Variants in CACNA2D1 observed in about 807,000 individuals in gnomAD.
CACNA2D1 encodes calcium voltage-gated channel auxiliary subunit alpha2delta 1, also known as voltage-dependent calcium channel subunit alpha-2/delta-1.
Under a neutral mutation model 171.5 loss-of-function variants are expected in CACNA2D1, and 53 were observed. That is an observed-to-expected ratio of 0.31 (90% CI 0.25 to 0.39). The LOEUF is 0.39. Among genes scored for constraint, CACNA2D1 ranks in the 10% least tolerant of loss-of-function variants. The probability of loss-of-function intolerance (pLI) is 1.00; values close to 1 mark genes in which losing one functional copy is unlikely to be tolerated. For synonymous variants in CACNA2D1, 442 were observed against 443.1 expected, an observed-to-expected ratio of 1.00 and a Z score of 0.03; for missense variants, 903 against 1,299.8, an observed-to-expected ratio of 0.69 and a Z score of 4.69.
intron 21 of CACNA2D1, among the ~76,000 whole-genome samples, chr7:81,986,498 A>G (rs1374010269): frequency 1.3e-5 from 2 of 148,680 alleles, no homozygotes; most frequent in Non-Finnish European, 3.0e-5. Context: ...GACAATATAG[A>G]ATAGGGAAAA....
intron 2 of CACNA2D1, among the ~76,000 whole-genome samples, chr7:82,339,557 C>T (rs1329637217): frequency 6.6e-6 from 1 of 152,148 alleles, no homozygotes; most frequent in Non-Finnish European, 1.5e-5. Context: ...ATTAGACCTG[C>T]AAGAAGTTAA....
chr7:82,110,358 GCT>G (rs1053113677), intron 6 of CACNA2D1, among the ~76,000 whole-genome samples: 1 of 152,078 alleles, frequency 6.6e-6, no homozygotes. Context: ...GAGCTTGCTC[GCT>G]CTCTCTGCTA....
intron 6 of CACNA2D1, among the ~76,000 whole-genome samples, chr7:82,104,263 G>C (rs138303230): frequency 0.018 from 2,744 of 152,006 alleles, 32 homozygotes; most frequent in Middle Eastern, 0.049. Context: ...CCATGTTCAA[G>C]AACTTGTATT....
intron 12 of CACNA2D1, chr7:82,029,766 T>C (rs567322810): frequency 6.6e-6 from 1 of 151,790 alleles, no homozygotes; most frequent in Non-Finnish European, 1.5e-5. Context: ...TTTATATATG[T>C]ATTACTGTGT....
intron 1 of CACNA2D1, among the ~76,000 whole-genome samples, chr7:82,423,754 G>A (rs181478964): frequency 6.6e-6 from 1 of 152,142 alleles, no homozygotes; most frequent in East Asian, 1.9e-4. Context: ...TTTTTGTAAC[G>A]CCATTTTCAA....
chr7:82,248,350 T>C (rs1805181107), intron 3 of CACNA2D1, among the ~76,000 whole-genome samples: 1 of 152,136 alleles, frequency 6.6e-6, no homozygotes, highest in Non-Finnish European at 1.5e-5. Flanking sequence ...AAGGCCCTTC[T>C]GCTGACCTGA....
intron 12 of CACNA2D1, among the ~76,000 whole-genome samples, chr7:82,026,193 C>G (rs920575298): frequency 6.6e-6 from 1 of 151,402 alleles, no homozygotes; most frequent in Admixed American, 6.6e-5. Flanking sequence ...AAGTGAACTT[C>G]TGATAGGCAG....
intron 6 of CACNA2D1, among the ~76,000 whole-genome samples, chr7:82,098,799 C>A (rs1302706096): frequency 6.6e-6 from 1 of 152,202 alleles, no homozygotes; most frequent in African/African-American, 2.4e-5. Flanking sequence ...TGCATCAGAA[C>A]TCAATGCATG....
intron 1 of CACNA2D1, among the ~76,000 whole-genome samples, chr7:82,440,414 C>T (rs1830407907): frequency 6.6e-6 from 1 of 151,688 alleles, no homozygotes; most frequent in African/African-American, 2.4e-5. Flanking sequence ...TCTAGAAAAA[C>T]GGACAACTAC....
intron 5 of CACNA2D1, among the ~76,000 whole-genome samples, chr7:82,124,500 C>T (rs258689): frequency 2.0e-5 from 3 of 151,882 alleles, no homozygotes; most frequent in Non-Finnish European, 4.4e-5. Flanking sequence ...AAATCTTCTT[C>T]TGTAACTTCA....
chr7:81,968,698 T>C (rs1393250662), intron 29 of CACNA2D1, among the ~76,000 whole-genome samples, 189 bp downstream of exon 29: 5 of 151,428 alleles, frequency 3.3e-5, no homozygotes, highest in Non-Finnish European at 7.4e-5. Context: ...ATCTATGTAG[T>C]ATCAATTTGA....
At chr7:82,153,839 A>G (rs1794090684) in intron 4 of CACNA2D1, among the ~76,000 whole-genome samples, 1 of 140,314 alleles carries the variant, frequency 7.1e-6, no homozygotes. Flanking sequence ...CCCTTAGAGC[A>G]AACTATAAAA....
In CACNA2D1 at chr7:82,348,151, C is replaced by T. The variant is rs1440585201; in HGVS notation, c.177+1417G>A. Among the ~76,000 whole-genome samples, 68 of 151,972 alleles carry T rather than the reference C, an allele frequency of 4.5e-4. 1 individual carries two copies. The highest frequency in any genetic ancestry group is 2.9e-5 in the Non-Finnish European group (2 of 67,982). ...AGAACCTGTACTTTCTTTTTTTTCT[C>T]ATTATGATTAAATAAAATCTTTGCT... is the stretch of plus-strand genomic sequence containing the variant. On this transcript the variant is annotated intron_variant, in intron 2 of 38. Coordinates refer to ENST00000356860, the MANE Select transcript of CACNA2D1 (RefSeq NM_000722.4).
At chr7:82,321,726 A>T (rs1815920202) in intron 3 of CACNA2D1, among the ~76,000 whole-genome samples, 1 of 152,192 alleles carries the variant, frequency 6.6e-6, no homozygotes, top group South Asian at 2.1e-4. Flanking sequence ...AAAATGAGAT[A>T]TTCTTCTAAA....
chr7:81,981,680 A>G (rs1462396066), intron 24 of CACNA2D1, among the ~76,000 whole-genome samples: 3 of 152,160 alleles, frequency 2.0e-5, no homozygotes, highest in Non-Finnish European at 4.4e-5. Context: ...ATGGAATAGG[A>G]GTCAAAAACT....
intron 3 of CACNA2D1, among the ~76,000 whole-genome samples, chr7:82,304,326 T>C (rs997418554): frequency 2.1e-5 from 3 of 141,818 alleles, no homozygotes; most frequent in Non-Finnish European, 4.6e-5. Flanking sequence ...TATTATCCAA[T>C]AATCCCATTA....
chr7:82,365,351 C>T (rs1164333838), intron 1 of CACNA2D1, among the ~76,000 whole-genome samples: 1 of 152,140 alleles, frequency 6.6e-6, no homozygotes, highest in African/African-American at 2.4e-5. Flanking sequence ...AATGACATAA[C>T]CTTTAACACA....
intron 1 of CACNA2D1, among the ~76,000 whole-genome samples, chr7:82,376,181 A>G (rs553663138): frequency 3.9e-5 from 6 of 152,174 alleles, no homozygotes; most frequent in Non-Finnish European, 8.8e-5. Context: ...CAAATTTTTA[A>G]ATTACTAGGA....
intron 3 of CACNA2D1, among the ~76,000 whole-genome samples, chr7:82,266,889 C>T (rs1289206993): frequency 1.3e-5 from 2 of 152,142 alleles, no homozygotes; most frequent in African/African-American, 2.4e-5. Context: ...AACTGTACTA[C>T]CTTAAAGAAA....
Sources: allele counts gnomAD v4.1 joint callset (sites outside exome capture counted in the v4.1 genomes callset), GRCh38; gene constraint gnomAD v4.1.1; transcripts MANE v1.5; gene names NCBI Gene and HGNC (gene_info 2026-07-23, HGNC 2026-07-21).